Variants in PTPRZ1 observed in about 807,000 individuals in gnomAD.
The protein encoded by PTPRZ1 is protein tyrosine phosphatase receptor type Z1.
Under a neutral mutation model 214.1 loss-of-function variants are expected in PTPRZ1, and 82 were observed. The ratio of observed to expected loss-of-function variants is 0.38; its 90% confidence interval spans 0.32 to 0.46. PTPRZ1 has a LOEUF of 0.46. Ranked by LOEUF, PTPRZ1 falls within the 20% of genes least tolerant of loss-of-function variation. The pLI, the probability that PTPRZ1 is intolerant of heterozygous loss-of-function variation, is 1.00. For missense variants in PTPRZ1, 2,603 were observed against 2,748.7 expected, an observed-to-expected ratio of 0.95 and a Z score of 1.19; for synonymous variants, 945 against 987.9, an observed-to-expected ratio of 0.96 and a Z score of 0.81.
chr7:121,963,485 TAAG>T (rs1796942552), intron 2 of PTPRZ1, among the ~76,000 whole-genome samples: 1 of 152,008 alleles, frequency 6.6e-6, no homozygotes, highest in Non-Finnish European at 1.5e-5. Context: ...AGATGATTCA[TAAG>T]GAGGTGGGAA....
chr7:121,914,854 A>G (rs751020533), intron 1 of PTPRZ1, among the ~76,000 whole-genome samples: 2 of 152,144 alleles, frequency 1.3e-5, no homozygotes, highest in Non-Finnish European at 2.9e-5. Flanking sequence ...ACTTTCATTT[A>G]TTCACTCATG....
At chr7:121,965,110 G>T (rs1432977428) in intron 2 of PTPRZ1, among the ~76,000 whole-genome samples, 1 of 152,150 alleles carries the variant, frequency 6.6e-6, no homozygotes, top group East Asian at 1.9e-4. Flanking sequence ...TTCTTTTGCT[G>T]CATAACAAAT....
chr7:121,988,017 G>A (rs767828474), intron 8 of PTPRZ1, among the ~76,000 whole-genome samples: 3 of 152,152 alleles, frequency 2.0e-5, no homozygotes, highest in South Asian at 2.1e-4. Context: ...TGTGGTGTAC[G>A]AGAGAGTGGA....
chr7:121,932,988 C>T (rs1051074010), intron 2 of PTPRZ1, among the ~76,000 whole-genome samples: 1 of 152,028 alleles, frequency 6.6e-6, no homozygotes, highest in Admixed American at 6.6e-5. Context: ...GCTTGCTTGT[C>T]ACTTTGTGAT....
At chr7:122,039,896 CA>C (rs1799664907) in intron 20 of PTPRZ1, among the ~76,000 whole-genome samples, 2 of 151,354 alleles carry the variant, frequency 1.3e-5, no homozygotes, top group South Asian at 4.2e-4. Flanking sequence ...GCACAGGAAT[CA>C]CATGTACCCA....
At chr7:121,964,397 G>T (rs939960807) in intron 2 of PTPRZ1, among the ~76,000 whole-genome samples, 1 of 152,142 alleles carries the variant, frequency 6.6e-6, no homozygotes, top group African/African-American at 2.4e-5. Flanking sequence ...AGAGTCAAGC[G>T]AAGGGGGAAG....
chr7:121,977,384 A>C (rs1203931549), intron 6 of PTPRZ1, among the ~76,000 whole-genome samples: 1 of 152,206 alleles, frequency 6.6e-6, no homozygotes, highest in East Asian at 1.9e-4. Flanking sequence ...TCTGCCTGCT[A>C]TCTCATGGAT....
At chr7:121,996,622 G>A (rs1798146281) in intron 9 of PTPRZ1, 56 bp downstream of exon 9, 1 of 1,317,510 alleles carries the variant, frequency 7.6e-7, no homozygotes, top group African/African-American at 1.5e-5. Context: ...AATTTCCAAG[G>A]TAAGAACTTA....
At chr7:121,994,228 C>T (rs549488817) in intron 8 of PTPRZ1, among the ~76,000 whole-genome samples, 5 of 148,014 alleles carry the variant, frequency 3.4e-5, no homozygotes, top group Non-Finnish European at 7.5e-5. Context: ...TGCAATGAAT[C>T]CTTTATTTTT....
chr7:121,984,895 T>C (rs960070216), intron 8 of PTPRZ1, among the ~76,000 whole-genome samples: 8 of 152,174 alleles, frequency 5.3e-5, no homozygotes, highest in Non-Finnish European at 1.0e-4. Context: ...TTGTCACTTG[T>C]TCATTAAAGA....
intron 3 of PTPRZ1, among the ~76,000 whole-genome samples, chr7:121,969,868 T>C (rs1441922481): frequency 7.2e-5 from 11 of 151,768 alleles, no homozygotes; most frequent in Non-Finnish European, 1.3e-4. Context: ...TTGTTACATA[T>C]GTATACATGT....
At position 121,898,151 on chromosome 7, in the gene PTPRZ1, C is replaced by G. The variant is rs1331186239; in HGVS notation, c.58+24594C>G. On this transcript the variant is annotated intron_variant, in intron 1 of 29. Coordinates refer to ENST00000393386, the MANE Select transcript of PTPRZ1 (RefSeq NM_002851.3). Reference sequence around the variant, plus strand: ...TCGGTGCAAAAACAAAACAGTAAACCATGTAAGTACTTAGAGACATTCAGG... The same window carrying G: ...TCGGTGCAAAAACAAAACAGTAAACGATGTAAGTACTTAGAGACATTCAGG... 2.0e-5 allele frequency among the ~76,000 whole-genome samples: 3 copies of G among 151,832 alleles called. No individual in the cohort carries two copies. The East Asian group carries it at 5.8e-4, about 29-fold the overall frequency.
At chr7:121,988,277 CT>C (rs1797829055) in intron 8 of PTPRZ1, among the ~76,000 whole-genome samples, 1 of 151,686 alleles carries the variant, frequency 6.6e-6, no homozygotes, top group South Asian at 2.1e-4. Flanking sequence ...CTTTTTTTTT[CT>C]GGTTACATAG....
Position 121,971,062 on chromosome 7 carries a change from C to T in PTPRZ1, c.305-1479C>T, listed in dbSNP as rs1797229783. Reference sequence around the variant, plus strand: ...CAGCACCATTTCTTAAATAGGGAATCGTTTCCCCATTTCTTGTTTTTTTCA... The same window carrying T: ...CAGCACCATTTCTTAAATAGGGAATTGTTTCCCCATTTCTTGTTTTTTTCA... On this transcript the variant is annotated intron_variant, in intron 3 of 29. Transcript: ENST00000393386. Among the ~76,000 whole-genome samples the T allele has an allele frequency of 3.3e-5, 5 of 152,168 alleles. 1 individual carries two copies. In the South Asian group the frequency reaches 6.2e-4, roughly 19 times the overall value.
At chr7:122,060,979 C>T in intron 29 of PTPRZ1, 101 bp from the exon 30 acceptor site, 1 of 1,182,778 alleles carries the variant, frequency 8.5e-7, no homozygotes, top group Middle Eastern at 2.7e-4. Flanking sequence ...ATTGCCCTTT[C>T]ATGAACAGTG....
intron 1 of PTPRZ1, among the ~76,000 whole-genome samples, chr7:121,892,008 T>A (rs1008438054): frequency 5.9e-5 from 9 of 152,158 alleles, no homozygotes; most frequent in Non-Finnish European, 1.0e-4. Context: ...AGAATGTTCT[T>A]AAGTTTTTTT....
intron 2 of PTPRZ1, among the ~76,000 whole-genome samples, chr7:121,958,469 C>T (rs555333711): frequency 1.3e-5 from 2 of 152,156 alleles, no homozygotes. Flanking sequence ...TTAGTGCTTT[C>T]CACCATCTTA....
At chr7:122,016,074 T>C (rs1458751676) in intron 12 of PTPRZ1, among the ~76,000 whole-genome samples, 1 of 152,016 alleles carries the variant, frequency 6.6e-6, no homozygotes, top group Non-Finnish European at 1.5e-5. Context: ...TAAAATACTA[T>C]AGATAAGGCA....
chr7:122,019,053 A>C, intron 12 of PTPRZ1, 71 bp from the exon 13 acceptor site: 1 of 1,422,120 alleles, frequency 7.0e-7, no homozygotes, highest in Middle Eastern at 1.9e-4. Flanking sequence ...GGTTGCAATT[A>C]ATCAGTTGAA....
Sources: gnomAD v4.1 joint callset for allele counts (sites outside exome capture counted in the v4.1 genomes callset) on GRCh38, gnomAD v4.1.1 for gene constraint, MANE v1.5 for transcripts, NCBI Gene and HGNC (gene_info 2026-07-23, HGNC 2026-07-21) for gene names.